The following FAM184A variants were observed in gnomAD, a reference collection of about 807,000 sequenced individuals.
FAM184A encodes protein FAM184A.
A neutral mutation model predicts 143.8 loss-of-function variants in FAM184A; 99 were observed. The observed-to-expected ratio is 0.69, with a 90% CI of 0.58 to 0.81. The LOEUF (loss-of-function observed/expected upper bound fraction) is 0.81. FAM184A is among the 40% of genes least tolerant of loss of function. FAM184A has a pLI of 0.00. For synonymous variants in FAM184A, 427 were observed against 446.4 expected, an observed-to-expected ratio of 0.96 and a Z score of 0.55; for missense variants, 1,217 against 1,310.5, an observed-to-expected ratio of 0.93 and a Z score of 1.10.
intron 1 of FAM184A, among the ~76,000 whole-genome samples, chr6:119,139,647 T>C (rs1462829434): frequency 7.0e-6 from 1 of 142,606 alleles, no homozygotes; most frequent in Non-Finnish European, 1.5e-5. Flanking sequence ...ATATTTAAAG[T>C]AAAAAAAAAA....
At chr6:119,127,690 C>T (rs1255939680) in intron 1 of FAM184A, among the ~76,000 whole-genome samples, 1 of 152,176 alleles carries the variant, frequency 6.6e-6, no homozygotes, top group Non-Finnish European at 1.5e-5. Flanking sequence ...CTAAAGTCAG[C>T]TGGGGAGCTT....
intron 1 of FAM184A, among the ~76,000 whole-genome samples, chr6:119,146,296 C>G (rs962601686): frequency 1.3e-5 from 2 of 152,068 alleles, no homozygotes; most frequent in Non-Finnish European, 2.9e-5. Context: ...ACATTCCACA[C>G]TGGCCCGCAG....
At chr6:119,147,594 T>G (rs1264060218) in intron 1 of FAM184A, among the ~76,000 whole-genome samples, 2 of 152,280 alleles carry the variant, frequency 1.3e-5, no homozygotes, top group South Asian at 4.1e-4. Context: ...AACCCCCTTA[T>G]GTACAATAAA....
chr6:119,054,076 T>G (rs1034241535), intron 1 of FAM184A, among the ~76,000 whole-genome samples: 2 of 28,880 alleles, frequency 6.9e-5, no homozygotes, highest in African/African-American at 1.6e-4. Flanking sequence ...AACATTCAAA[T>G]CCTTTAGAGA....
At chr6:119,085,825 G>C (rs1030579656) in intron 1 of FAM184A, among the ~76,000 whole-genome samples, 2 of 152,198 alleles carry the variant, frequency 1.3e-5, no homozygotes, top group Non-Finnish European at 2.9e-5. Flanking sequence ...TCATGGAGGA[G>C]GGTGAAGGGG....
chr6:119,024,764 T>C lies in FAM184A; in HGVS notation c.209A>G (p.Gln70Arg). 1 of 1,612,956 alleles carries C rather than the reference T, an allele frequency of 6.2e-7. No homozygotes were observed. Among genetic ancestry groups the C allele is most frequent in the Non-Finnish European group, 8.5e-7 (1 of 1,179,848 alleles). Residue 70 changes from glutamine (Q) to arginine (R), a missense_variant, in exon 2 of 18, where the codon CAA (glutamine) becomes CGA (arginine). Physicochemically the swap from Gln to Arg is conservative, Grantham distance 43. Coordinates refer to ENST00000338891, the MANE Select transcript of FAM184A (RefSeq NM_024581.6). ...TTCTTCATGAGCATCTTTGAGGGCTTGAATTGCAGATTCATGCTCATCATT... is the reference window on the plus strand; with the variant it reads ...TTCTTCATGAGCATCTTTGAGGGCTCGAATTGCAGATTCATGCTCATCATT... Reference protein sequence around the residue: ...TKNDEHESAIQALKDAHEEEI... With the variant: ...TKNDEHESAIRALKDAHEEEI...
In FAM184A at chr6:119,108,718, G is replaced by C. The variant is rs559017261; in HGVS notation, c.-202+40360C>G. Among the ~76,000 whole-genome samples the C allele has an allele frequency of 2.0e-5, 3 of 152,254 alleles. No individual in the cohort carries two copies. In the South Asian group the frequency reaches 6.2e-4, roughly 32 times the overall value. ...GGATTGATGGATGGAGTTTGATGGA[G>C]AGTGAAGAGAGCTGCTGGCTCAGGA... On this transcript the variant is annotated intron_variant, in intron 1 of 16. Coordinates refer to the FAM184A transcript ENST00000352896.
intron 6 of FAM184A, among the ~76,000 whole-genome samples, chr6:119,009,970 C>A (rs1005473961): frequency 1.3e-5 from 2 of 152,110 alleles, no homozygotes; most frequent in South Asian, 4.1e-4. Flanking sequence ...CCTAGAAGGA[C>A]CCTAAATGCC....
chr6:118,982,231 T>TC (rs1251365359), intron 9 of FAM184A, among the ~76,000 whole-genome samples: 16 of 151,990 alleles, frequency 1.1e-4, no homozygotes, highest in Admixed American at 6.6e-4. Flanking sequence ...AGAACAAAAA[T>TC]AGACATTTGT....
rs116336082 is a variant in FAM184A, at chr6:119,073,831, T to C, written c.159+4310A>G. ...GTGAGAACAAGAGAGAGGGCTGAAC[T>C]GGGACCACTAGCAGAGTTTGTGCAA... is the stretch of plus-strand genomic sequence containing the variant. On this transcript the variant is annotated intron_variant, in intron 1 of 17. Coordinates refer to ENST00000338891, the MANE Select transcript of FAM184A (RefSeq NM_024581.6). Among the ~76,000 whole-genome samples the C allele has an allele frequency of 4.4e-3, 671 of 152,270 alleles. 6 individuals carry two copies. The highest frequency in any genetic ancestry group is 0.015 in the African/African-American group (641 of 41,558).
At chr6:119,012,865 A>G (rs1785129090) in intron 5 of FAM184A, among the ~76,000 whole-genome samples, 2 of 152,214 alleles carry the variant, frequency 1.3e-5, no homozygotes, top group South Asian at 2.1e-4. Context: ...AGTTTTCTGC[A>G]TGGGTTCTCT....
At chr6:119,147,827 G>A (rs1772502981) in intron 1 of FAM184A, among the ~76,000 whole-genome samples, 1 of 152,178 alleles carries the variant, frequency 6.6e-6, no homozygotes, top group African/African-American at 2.4e-5. Flanking sequence ...ATCACACAGT[G>A]TGCCCTGCTT....
In FAM184A at chr6:119,078,041, C is replaced by T. The variant is rs1787934321; in HGVS notation, c.159+100G>A. 3 of 1,366,458 alleles carry T rather than the reference C, an allele frequency of 2.2e-6. No individual in the cohort carries two copies. Among genetic ancestry groups the T allele is most frequent in the African/African-American group, 1.5e-5 (1 of 67,044 alleles). 84.6% of individuals were successfully genotyped at this position (1,366,458 alleles called of 1,614,324 possible). A position where few individuals can be genotyped will look rare whatever the true frequency, so the allele number is the denominator to read the frequency against. Reference sequence around the variant, plus strand: ...TTGCTTCGGCGGAGGAGTAGAGTTCCCCTCGCTGCGGGCGCAGGGCGCACT... The same window carrying T: ...TTGCTTCGGCGGAGGAGTAGAGTTCTCCTCGCTGCGGGCGCAGGGCGCACT... On this transcript the variant is annotated intron_variant, in intron 1 of 17. Coordinates refer to ENST00000338891, the MANE Select transcript of FAM184A (RefSeq NM_024581.6). The surrounding 1 kb of genome is among the most constrained non-coding windows in gnomAD (Gnocchi z 5.5).
chr6:119,114,090 T>A (rs1789000746), intron 1 of FAM184A, among the ~76,000 whole-genome samples: 1 of 152,208 alleles, frequency 6.6e-6, no homozygotes, highest in African/African-American at 2.4e-5. Flanking sequence ...ATAGCATATA[T>A]AAGGTTCAGC....
At chr6:119,116,967 A>T (rs182370521) in intron 1 of FAM184A, among the ~76,000 whole-genome samples, 1 of 152,328 alleles carries the variant, frequency 6.6e-6, no homozygotes, top group African/African-American at 2.4e-5. Flanking sequence ...AAATGTTTTG[A>T]CTTTATCCTT....
At chr6:119,025,310 G>C (rs765866530) in intron 1 of FAM184A, among the ~76,000 whole-genome samples, 4 of 152,086 alleles carry the variant, frequency 2.6e-5, no homozygotes, top group Non-Finnish European at 4.4e-5. Flanking sequence ...CTTTGTAATG[G>C]CCTGTTTAAA....
chr6:119,012,894 G>A (rs1027350850), intron 5 of FAM184A, among the ~76,000 whole-genome samples: 5 of 152,208 alleles, frequency 3.3e-5, no homozygotes, highest in Middle Eastern at 3.2e-3. Context: ...ACTCTCAGTT[G>A]TGGTGGGTCA....
chr6:118,990,379 T>A (rs765581361), intron 9 of FAM184A, among the ~76,000 whole-genome samples: 1 of 152,178 alleles, frequency 6.6e-6, no homozygotes, highest in Non-Finnish European at 1.5e-5. Context: ...TCTAAACTCA[T>A]ATGGTCACTA....
At chr6:119,103,709 C>T (rs760051035) in intron 1 of FAM184A, among the ~76,000 whole-genome samples, 5 of 151,956 alleles carry the variant, frequency 3.3e-5, no homozygotes, top group African/African-American at 4.8e-5. Context: ...AGGCGGATCA[C>T]GAGGTCAAGA....
Sources: allele counts gnomAD v4.1 joint callset (sites outside exome capture counted in the v4.1 genomes callset), GRCh38; gene constraint gnomAD v4.1.1; non-coding constraint Gnocchi (gnomAD v3.1); transcripts MANE v1.5; gene names NCBI Gene and HGNC (gene_info 2026-07-23, HGNC 2026-07-21).